MARVELD2: variants seen among roughly 807,000 people sequenced by gnomAD.
The protein encoded by MARVELD2 is MARVEL domain containing 2, also known as MARVEL domain-containing protein 2.
In MARVELD2, 49 loss-of-function variants were observed where a neutral mutation model predicts 57.6. That is an observed-to-expected ratio of 0.85 (90% CI 0.68 to 1.08). The LOEUF is 1.08. Ranked by LOEUF, MARVELD2 falls within the 50% of genes least tolerant of loss-of-function variation. The pLI is 0.00. For missense variants in MARVELD2, 606 were observed against 701.1 expected, an observed-to-expected ratio of 0.86 and a Z score of 1.53; for synonymous variants, 238 against 258.8, an observed-to-expected ratio of 0.92 and a Z score of 0.77.
At chr5:69,433,867 T>C (rs1255542916) in intron 5 of MARVELD2, among the ~76,000 whole-genome samples, 4 of 152,202 alleles carry the variant, frequency 2.6e-5, no homozygotes, top group African/African-American at 9.6e-5. Flanking sequence ...ATTCAAATTA[T>C]GTAACTTAAT....
chr5:69,415,264 G>GGCGCTCA (rs1416153388), intron 1 of MARVELD2, 94 bp downstream of exon 1: 4 of 152,298 alleles, frequency 2.6e-5, no homozygotes, highest in Non-Finnish European at 5.9e-5. Context: ...GCCCGCGCTC[G>GGCGCTCA]GCGCTCAGCC....
chr5:69,432,970 T>C lies in MARVELD2; in HGVS notation c.1380T>C (p.Ala460=). 6.2e-7 allele frequency: 1 copy of C among 1,614,190 alleles called. No individual in the cohort carries two copies. Among genetic ancestry groups the C allele is most frequent in the Non-Finnish European group, 8.5e-7 (1 of 1,180,042 alleles). The change falls in exon 5 of 7, where the codon GCT becomes GCC. Residue 460 remains alanine, a synonymous_variant. Coordinates refer to ENST00000325631, the MANE Select transcript of MARVELD2 (RefSeq NM_001038603.3). ...ATGATGAGCGAGAACGCTATAAAGCTGTGTTCCAAGACCAGTTTTCAGAGT... is the reference window on the plus strand; with the variant it reads ...ATGATGAGCGAGAACGCTATAAAGCCGTGTTCCAAGACCAGTTTTCAGAGT... ...QTDDERERYK[A]VFQDQFSEYK...
intron 1 of MARVELD2, among the ~76,000 whole-genome samples, chr5:69,417,681 C>A (rs953602836): frequency 5.3e-5 from 8 of 152,108 alleles, no homozygotes; most frequent in African/African-American, 1.9e-4. Flanking sequence ...TGGTGGCTCA[C>A]ACCTGTAATC....
intron 5 of MARVELD2, among the ~76,000 whole-genome samples, chr5:69,438,236 C>T (rs1219094773): frequency 1.3e-5 from 2 of 152,104 alleles, no homozygotes; most frequent in Non-Finnish European, 2.9e-5. Flanking sequence ...TCCCTCTGGT[C>T]CTCACCACTC....
At chr5:69,427,402 T>C (rs1240947285) in intron 3 of MARVELD2, among the ~76,000 whole-genome samples, 1 of 151,242 alleles carries the variant, frequency 6.6e-6, no homozygotes, top group Admixed American at 6.6e-5. Flanking sequence ...CTATATCTTT[T>C]CCTTTTTTTT....
chr5:69,420,356 C>T lies in MARVELD2; in HGVS notation c.971C>T (p.Pro324Leu), dbSNP rs766928397. The change falls in exon 2 of 7, where the codon CCG becomes CTG. Residue 324 changes from proline (P) to leucine (L), a missense_variant. Transcript: ENST00000325631. ...DTNRGGLCYY[P>L]LFNTPVNAVF... ...AACCGAGGTGGCCTCTGCTACTATC[C>T]GTTATTTAATACACCAGTGAATGCA... 2.5e-6 allele frequency: 4 copies of T among 1,614,150 alleles called. No individual in the cohort carries two copies. Among genetic ancestry groups the T allele is most frequent in the Non-Finnish European group, 1.7e-6 (2 of 1,180,030 alleles).
chr5:69,437,369 G>A (rs1303078128), intron 5 of MARVELD2, among the ~76,000 whole-genome samples: 5 of 125,488 alleles, frequency 4.0e-5, no homozygotes, highest in African/African-American at 9.2e-5. Flanking sequence ...CAACAAGAGC[G>A]AAACTCTGTC....
In MARVELD2 at chr5:69,422,770, G is replaced by A. The variant is rs372351131; in HGVS notation, c.1147-1831G>A. Among the ~76,000 whole-genome samples the A allele has an allele frequency of 6.3e-3, 948 of 151,654 alleles. 7 individuals are homozygous for A. Among genetic ancestry groups the A allele is most frequent in the African/African-American group, 0.022 (896 of 41,448 alleles). On this transcript the variant is annotated intron_variant, in intron 2 of 6. Coordinates refer to ENST00000325631, the MANE Select transcript of MARVELD2 (RefSeq NM_001038603.3). ...TAAAAACTTGCTGGTTTTACGGCTC[G>A]GGGGCATCACGGAACCTGCCGACAT...
intron 3 of MARVELD2, among the ~76,000 whole-genome samples, chr5:69,426,103 T>TTAC (rs762749554): frequency 7.9e-5 from 12 of 151,974 alleles, no homozygotes; most frequent in Non-Finnish European, 8.8e-5. Flanking sequence ...ATTCCACAAT[T>TTAC]TACCAACTGT....
Position 69,432,924 on chromosome 5 carries a change from A to G in MARVELD2, c.1334A>G (p.Lys445Arg). 5.6e-6 allele frequency: 9 copies of G among 1,614,252 alleles called. No individual in the cohort carries two copies. The highest frequency in any genetic ancestry group is 7.6e-6 in the Non-Finnish European group (9 of 1,180,052). ...KPIVMPDYVA[K>R]YPVIQTDDER... ...TTTGGCTTATGTTTTTCCCCTAGAA[A>G]ATACCCTGTGATTCAGACAGATGAT... Residue 445 changes from lysine (K) to arginine (R), a missense_variant and splice_region_variant, in exon 5 of 7, where the codon AAA becomes AGA. By Grantham distance (26) the Lys-to-Arg change is conservative. Coordinates refer to ENST00000325631, the MANE Select transcript of MARVELD2 (RefSeq NM_001038603.3).
chr5:69,416,839 C>T (rs549557347), intron 1 of MARVELD2, among the ~76,000 whole-genome samples: 11 of 152,310 alleles, frequency 7.2e-5, no homozygotes, highest in African/African-American at 1.9e-4. Context: ...CCTGTTTTAC[C>T]TCTTGCCTTC....
Position 69,419,574 on chromosome 5 carries a change from A to G in MARVELD2, c.189A>G (p.Ser63=), listed in dbSNP as rs1313602043. 6.2e-7 allele frequency: 1 copy of G among 1,614,064 alleles called. No homozygotes were observed. Among genetic ancestry groups the G allele is most frequent in the Admixed American group, 1.7e-5 (1 of 60,008 alleles). ...LQPPFGPDFY[S]SDTEEPAIAP... ...CACCATTCGGCCCAGACTTCTACTC[A>G]AGTGACACAGAAGAACCAGCTATAG... The change falls in exon 2 of 7, where the codon TCA becomes TCG. Residue 63 remains serine (S), a synonymous_variant. Coordinates refer to ENST00000325631, the MANE Select transcript of MARVELD2 (RefSeq NM_001038603.3).
intron 5 of MARVELD2, among the ~76,000 whole-genome samples, chr5:69,437,256 G>A (rs571333915): frequency 1.3e-4 from 19 of 150,974 alleles, no homozygotes; most frequent in African/African-American, 4.6e-4. Context: ...TGGTGCATGT[G>A]TGTAATCCCA....
chr5:69,439,161 TTTTA>T (rs1276214303), intron 5 of MARVELD2, among the ~76,000 whole-genome samples: 3 of 151,718 alleles, frequency 2.0e-5, no homozygotes, highest in East Asian at 2.0e-4. Context: ...TTTATTAGTT[TTTTA>T]TTTATTTATT....
chr5:69,440,486 A>G lies in MARVELD2; in HGVS notation c.1540A>G (p.Lys514Glu). The part of the protein sequence containing the change: ...ERISRIHEEF[K>E]KKKNDPTFLE... ...AATTTCAAGAATCCATGAAGAGTTT[A>G]AGAAAAAAAAGAATGTGAGTAAAAC... is the stretch of plus-strand genomic sequence containing the variant. The change falls in exon 6 of 7, where the codon AAG becomes GAG. Residue 514 changes from lysine to glutamate, a missense_variant. Lys to Glu is a moderately conservative substitution (Grantham distance 56, BLOSUM62 1). Transcript: ENST00000325631. 1 of 1,430,892 alleles carries G rather than the reference A, an allele frequency of 7.0e-7. No individual in the cohort carries two copies. Among genetic ancestry groups the G allele is most frequent in the Non-Finnish European group, 9.8e-7 (1 of 1,017,294 alleles). The allele number at this position is 1,430,892 out of a possible 1,614,324, so 88.6% of individuals were successfully genotyped here. A position where few individuals can be genotyped will look rare whatever the true frequency, so the allele number is the denominator to read the frequency against.
At chr5:69,433,585 G>A (rs299074) in intron 5 of MARVELD2, 78,518 of 163,846 alleles carry the variant, frequency 0.48, 18,973 homozygotes, top group South Asian at 0.53. Flanking sequence ...TCAGCCTCCC[G>A]AGTAGCTGGG....
At chr5:69,422,207 GA>G (rs750279329) in intron 2 of MARVELD2, among the ~76,000 whole-genome samples, 1 of 151,032 alleles carries the variant, frequency 6.6e-6, no homozygotes, top group Admixed American at 6.6e-5. Context: ...TGGGCACCTT[GA>G]AAAAAGAACA....
At chr5:69,421,321 G>A (rs767244593) in intron 2 of MARVELD2, among the ~76,000 whole-genome samples, 1 of 152,186 alleles carries the variant, frequency 6.6e-6, no homozygotes, top group Non-Finnish European at 1.5e-5. Context: ...TCTGAAGTAA[G>A]TTGATATTTT....
In MARVELD2 at chr5:69,441,388, A is replaced by G. The variant is rs905444249; in HGVS notation, c.1555-144A>G. 4.4e-5 allele frequency: 38 copies of G among 865,462 alleles called. No homozygotes were observed. The African/African-American group carries it at 6.2e-4, about 14-fold the overall frequency. 53.6% of individuals were successfully genotyped at this position (865,462 alleles called of 1,614,324 possible). A position where few individuals can be genotyped will look rare whatever the true frequency, so the allele number is the denominator to read the frequency against. On this transcript the variant is annotated intron_variant, in intron 6 of 6. Transcript: ENST00000325631. ...AAAAAAGTACATTTAAAAAATATGT[A>G]GAGAGCTTAACTGTTACCCTGAGTT...
Sources: gnomAD v4.1 joint callset for allele counts (sites outside exome capture counted in the v4.1 genomes callset) on GRCh38, gnomAD v4.1.1 for gene constraint, MANE v1.5 for transcripts, NCBI Gene and HGNC (gene_info 2026-07-23, HGNC 2026-07-21) for gene names.